ZNF331: variants seen among roughly 807,000 people sequenced by gnomAD.
The protein encoded by ZNF331 is zinc finger protein 331.
A neutral mutation model predicts 7.0 loss-of-function variants in ZNF331; 2 were observed. That is an observed-to-expected ratio of 0.29 (90% confidence interval 0.12 to 0.90). The LOEUF (loss-of-function observed/expected upper bound fraction) is 0.90, where lower values mean the gene tolerates loss of function less well. Ranked by LOEUF, ZNF331 falls within the 40% of genes least tolerant of loss-of-function variation. ZNF331 has a pLI of 0.58. For synonymous variants in ZNF331, 196 were observed against 205.4 expected, an observed-to-expected ratio of 0.95 and a Z score of 0.39; for missense variants, 432 against 587.7, an observed-to-expected ratio of 0.74 and a Z score of 2.74.
At chr19:53,522,782 C>G (rs1398834460) in intron 2 of ZNF331, 1 of 152,158 alleles carries the variant, frequency 6.6e-6, no homozygotes, top group Non-Finnish European at 1.5e-5. Flanking sequence ...TCATTTATCC[C>G]ACTAATTCCT....
At chr19:53,518,732 G>A (rs1429759268), upstream of ZNF331, among the ~76,000 whole-genome samples, 1 of 152,210 alleles carries the variant, frequency 6.6e-6, no homozygotes, top group Non-Finnish European at 1.5e-5. Context: ...GGAGAAAAGG[G>A]TTAACAAGTC....
chr19:53,555,425 G>A (rs1298406020), intron 2 of ZNF331: 2 of 152,684 alleles, frequency 1.3e-5, no homozygotes, highest in African/African-American at 4.8e-5. Context: ...GCAGGTGTGT[G>A]TGACAGCACA....
chr19:53,561,760 G>T (rs144462486), intron 3 of ZNF331, among the ~76,000 whole-genome samples: 1,638 of 152,200 alleles, frequency 0.011, 14 homozygotes, highest in Middle Eastern at 0.027. Context: ...AGCTGAAGTG[G>T]GAGGATCCCT....
intron 5 of ZNF331, among the ~76,000 whole-genome samples, chr19:53,575,901 C>G (rs2090698499): frequency 6.6e-6 from 1 of 152,054 alleles, no homozygotes; most frequent in South Asian, 2.1e-4. Flanking sequence ...CCAGGCTGGT[C>G]TCGAACTCCT....
chr19:53,568,038 C>T (rs780018418), intron 3 of ZNF331, among the ~76,000 whole-genome samples: 1 of 151,958 alleles, frequency 6.6e-6, no homozygotes, highest in Non-Finnish European at 1.5e-5. Context: ...ATCACGAGGT[C>T]GGGAGTTTGA....
At chr19:53,537,946 A>C (rs563641489), upstream of ZNF331, 1 of 152,118 alleles carries the variant, frequency 6.6e-6, no homozygotes, top group African/African-American at 2.4e-5. Context: ...CCGCACAGGC[A>C]CGTCAACAGC....
intron 4 of ZNF331, 37 bp downstream of exon 4, chr19:53,569,422 T>C: frequency 1.2e-6 from 2 of 1,612,976 alleles, no homozygotes; most frequent in Non-Finnish European, 1.7e-6. Flanking sequence ...TGAGCTATGA[T>C]ATTTGCGTTC....
At chr19:53,522,024 A>T (rs16984961) in exon 1 of ZNF331, 12,770 of 152,198 alleles carry the variant, frequency 0.084, 620 homozygotes, top group Non-Finnish European at 0.11. Flanking sequence ...CTCCGTGCAC[A>T]CTACCTGGAC....
At chr19:53,547,324 T>G (rs922036495) in intron 2 of ZNF331, among the ~76,000 whole-genome samples, 2 of 152,210 alleles carry the variant, frequency 1.3e-5, no homozygotes, top group Admixed American at 1.3e-4. Flanking sequence ...CTTAGTACAA[T>G]GTCCTCCAGA....
chr19:53,550,013 G>A (rs1023259542), intron 2 of ZNF331, among the ~76,000 whole-genome samples: 2 of 152,096 alleles, frequency 1.3e-5, no homozygotes, highest in African/African-American at 4.8e-5. Context: ...GCATCATGTC[G>A]ATTAATATCC....
At chr19:53,543,542 C>T (rs1334373856) in intron 2 of ZNF331, among the ~76,000 whole-genome samples, 1 of 152,100 alleles carries the variant, frequency 6.6e-6, no homozygotes, top group East Asian at 1.9e-4. Context: ...GCTGGGATTA[C>T]AGGCATGAGC....
Position 53,569,396 on chromosome 19 carries a change from A to G in ZNF331, c.9+11A>G. 1.9e-6 allele frequency: 3 copies of G among 1,613,652 alleles called. No homozygotes were observed. Among genetic ancestry groups the G allele is most frequent in the Non-Finnish European group, 2.5e-6 (3 of 1,179,776 alleles). Reference sequence around the variant, plus strand: ...AAAACAATGGCCCAGGTAAGTGTATATTTCTCTTTCCTTCTTGAGCTATGA... The same window carrying G: ...AAAACAATGGCCCAGGTAAGTGTATGTTTCTCTTTCCTTCTTGAGCTATGA... On this transcript the variant is annotated intron_variant, in intron 4 of 5. Coordinates refer to ENST00000449416, the MANE Select transcript of ZNF331 (RefSeq NM_001079906.2).
intron 2 of ZNF331, among the ~76,000 whole-genome samples, chr19:53,549,512 G>C (rs2088845115): frequency 6.6e-6 from 1 of 152,112 alleles, no homozygotes; most frequent in African/African-American, 2.4e-5. Flanking sequence ...GGAGTCATGA[G>C]ACAGGAAGAT....
chr19:53,579,365 C>T lies in ZNF331; in HGVS notation c.*1413C>T, dbSNP rs2090845888. 2 of 220,340 alleles carry T rather than the reference C, an allele frequency of 9.1e-6. No individual in the cohort carries two copies. The highest frequency in any genetic ancestry group is 9.1e-6 in the Non-Finnish European group (1 of 109,878). The allele number at this position is 220,340 out of a possible 1,614,324, so 13.6% of individuals were successfully genotyped here. ...GTTGTCCCCACCATCCCCCGCCCTC[C>T]TCCCTGTGAGACACTGGGCCAAAGG... On this transcript the variant is annotated 3_prime_UTR_variant, in exon 6 of 6. Transcript: ENST00000449416.
Position 53,577,421 on chromosome 19 carries a change from T to G in ZNF331, c.861T>G (p.Ile287Met). 1 of 1,614,148 alleles carries G rather than the reference T, an allele frequency of 6.2e-7. No homozygotes were observed. The highest frequency in any genetic ancestry group is 1.7e-4 in the Middle Eastern group (1 of 6,060). Residue 287 changes from isoleucine to methionine, a missense_variant, in exon 6 of 6, where the codon ATT becomes ATG. Ile to Met is a conservative substitution (Grantham distance 10). Around this residue, in one of 3 missense-constraint regions of ZNF331, gnomAD observed 312 missense variants for 448.6 expected, o/e 0.70. Transcript: ENST00000449416. ...CTTTTATTTGTGGTTCAAGCCTCAT[T>G]CAGCATAAAAGAATTCACACAGGTG... The part of the protein sequence containing the change: ...GKAFICGSSL[I>M]QHKRIHTGEK...
At position 53,560,535 on chromosome 19, in the gene ZNF331, T is replaced by G. The variant is rs2089820181; in HGVS notation, c.-74+4627T>G. 6.6e-6 allele frequency among the ~76,000 whole-genome samples: 1 copy of G among 152,194 alleles called. No individual in the cohort carries two copies. Among genetic ancestry groups the G allele is most frequent in the African/African-American group, 2.4e-5 (1 of 41,426 alleles). ...CTTATATCAGTTTATTTTTGCTGTTTTAACAAATTACTGTAGATTATTGGC... is the reference window on the plus strand; with the variant it reads ...CTTATATCAGTTTATTTTTGCTGTTGTAACAAATTACTGTAGATTATTGGC... On this transcript the variant is annotated intron_variant, in intron 3 of 5. Coordinates refer to ENST00000449416, the MANE Select transcript of ZNF331 (RefSeq NM_001079906.2). The surrounding 1 kb of genome is among the most constrained non-coding windows in gnomAD (Gnocchi z 4.3).
At chr19:53,541,103 T>G (rs936973979) in intron 2 of ZNF331, among the ~76,000 whole-genome samples, 1 of 96,568 alleles carries the variant, frequency 1.0e-5, no homozygotes, top group Non-Finnish European at 2.3e-5. Flanking sequence ...ATAATCATAT[T>G]TCTTTTCTTT....
chr19:53,529,184 G>A (rs939465246), intron 2 of ZNF331, among the ~76,000 whole-genome samples: 4 of 151,992 alleles, frequency 2.6e-5, no homozygotes, highest in Admixed American at 6.6e-5. Flanking sequence ...GGTGGATCAC[G>A]AGGTCAGGAG....
intron 3 of ZNF331, among the ~76,000 whole-genome samples, chr19:53,568,050 A>G (rs2090244969): frequency 6.6e-6 from 1 of 152,028 alleles, no homozygotes; most frequent in Admixed American, 6.6e-5. Context: ...GGAGTTTGAG[A>G]CCAGCCTGGC....
Sources: gnomAD v4.1 joint callset for allele counts (sites outside exome capture counted in the v4.1 genomes callset) on GRCh38, gnomAD v4.1.1 for gene constraint, gnomAD v4.1.1 regional missense constraint, Gnocchi (gnomAD v3.1) non-coding constraint, MANE v1.5 for transcripts, NCBI Gene and HGNC (gene_info 2026-07-23, HGNC 2026-07-21) for gene names.